Variants in DSCAM observed in about 807,000 individuals in gnomAD.
DSCAM encodes the protein DS cell adhesion molecule, also known as cell adhesion molecule DSCAM.
DSCAM carries 47 observed loss-of-function variants against 217.7 expected under a neutral mutation model. The observed-to-expected ratio is 0.22, with a 90% confidence interval of 0.17 to 0.28. DSCAM has a LOEUF of 0.28. DSCAM is among the 10% of genes least tolerant of loss of function. The pLI, the probability that DSCAM is intolerant of heterozygous loss-of-function variation, is 1.00. For missense variants in DSCAM, 2,080 were observed against 2,618.3 expected (o/e 0.79, Z 4.49); for synonymous variants, 1,056 against 1,015.3 (o/e 1.04, Z -0.76).
At position 40,380,987 on chromosome 21, in the gene DSCAM, C is replaced by T. The variant is rs944834977; in HGVS notation, c.509-11742G>A. Among the ~76,000 whole-genome samples the T allele has an allele frequency of 2.0e-3, 275 of 135,434 alleles. 2 individuals are homozygous for T. The highest frequency in any genetic ancestry group is 6.7e-3 in the African/African-American group (249 of 37,118). The allele number at this position is 135,434 out of a possible 152,430, so 88.8% of individuals were successfully genotyped here. On this transcript the variant is annotated intron_variant, in intron 3 of 32. Coordinates refer to ENST00000400454, the MANE Select transcript of DSCAM (RefSeq NM_001389.5). ...CTGAGGCAGGAGAATGGCGGGAACC[C>T]GGGAGGCGGAGCCTGCAGTGAGCCG...
chr21:40,656,375 A>G (rs1443412679), intron 3 of DSCAM, among the ~76,000 whole-genome samples: 2 of 152,208 alleles, frequency 1.3e-5, no homozygotes, highest in East Asian at 1.9e-4. Context: ...CAAACCACAC[A>G]GCCAAGCCCT....
intron 3 of DSCAM, among the ~76,000 whole-genome samples, chr21:40,475,735 G>A (rs1382599949): frequency 1.3e-5 from 2 of 152,146 alleles, no homozygotes; most frequent in Non-Finnish European, 2.9e-5. Context: ...GGAGGCTGAG[G>A]CAGGAGAATC....
At chr21:40,622,864 C>T (rs1017168381) in intron 3 of DSCAM, among the ~76,000 whole-genome samples, 16 of 106,574 alleles carry the variant, frequency 1.5e-4, no homozygotes, top group African/African-American at 5.5e-4. Context: ...TTTGTATGTA[C>T]ATGATACAAA....
chr21:40,545,934 T>C (rs2076578985), intron 3 of DSCAM, among the ~76,000 whole-genome samples: 1 of 152,204 alleles, frequency 6.6e-6, no homozygotes, highest in African/African-American at 2.4e-5. Flanking sequence ...TCTCTACCAG[T>C]GGGAAACCTT....
At chr21:40,155,223 G>A (rs1250468901) in intron 16 of DSCAM, among the ~76,000 whole-genome samples, 3 of 152,214 alleles carry the variant, frequency 2.0e-5, no homozygotes, top group Admixed American at 1.3e-4. Flanking sequence ...GACCACACAA[G>A]GGCATTCGGG....
chr21:40,084,028 G>A (rs371587226), intron 23 of DSCAM, 22 bp from the exon 24 acceptor site: 13 of 1,584,878 alleles, frequency 8.2e-6, no homozygotes, highest in Middle Eastern at 1.7e-4. Flanking sequence ...ACAGTTTTTA[G>A]AAAACAAGAA....
chr21:40,439,597 G>T (rs1393910447), intron 3 of DSCAM, among the ~76,000 whole-genome samples: 1 of 152,176 alleles, frequency 6.6e-6, no homozygotes, highest in Non-Finnish European at 1.5e-5. Context: ...AAAGCCCAAT[G>T]CTTCCTTCTG....
chr21:40,103,096 T>C (rs761469991), intron 20 of DSCAM, among the ~76,000 whole-genome samples: 2 of 152,214 alleles, frequency 1.3e-5, no homozygotes, highest in African/African-American at 2.4e-5. Flanking sequence ...TTGAGTACGA[T>C]AGGAAATAAT....
chr21:40,618,757 A>G (rs954820319), intron 3 of DSCAM: 3 of 151,912 alleles, frequency 2.0e-5, no homozygotes, highest in Non-Finnish European at 4.4e-5. Flanking sequence ...GACTGGGAGA[A>G]TGGAGAGGTG....
At chr21:40,171,558 G>A (rs1243563064) in intron 15 of DSCAM, among the ~76,000 whole-genome samples, 2 of 149,734 alleles carry the variant, frequency 1.3e-5, no homozygotes, top group African/African-American at 4.9e-5. Flanking sequence ...AAAGCATTTG[G>A]ATCCCTCCTC....
intron 16 of DSCAM, among the ~76,000 whole-genome samples, chr21:40,152,015 A>G (rs2090427768): frequency 6.6e-6 from 1 of 152,116 alleles, no homozygotes; most frequent in Admixed American, 6.5e-5. Context: ...GGTGGGTTAC[A>G]TGTTTTTATG....
At chr21:40,522,326 CAAGGGATAATA>C (rs2076365652) in intron 3 of DSCAM, among the ~76,000 whole-genome samples, 1 of 152,202 alleles carries the variant, frequency 6.6e-6, no homozygotes, top group East Asian at 1.9e-4. Flanking sequence ...AAATCCACAA[CAAGGGATAATA>C]GCAAAGCAAT....
intron 3 of DSCAM, among the ~76,000 whole-genome samples, chr21:40,593,220 T>C (rs457714): frequency 0.67 from 101,496 of 152,096 alleles, 34,080 homozygotes; most frequent in African/African-American, 0.72. Flanking sequence ...TTCTTGAAAT[T>C]GTTGGTCCTT....
chr21:40,430,649 G>C (rs529172358), intron 3 of DSCAM, among the ~76,000 whole-genome samples: 1 of 152,252 alleles, frequency 6.6e-6, no homozygotes, highest in African/African-American at 2.4e-5. Flanking sequence ...TATCCTATTA[G>C]TTCTGTCCTC....
intron 10 of DSCAM, among the ~76,000 whole-genome samples, chr21:40,280,783 T>G (rs2123397264): frequency 6.6e-6 from 1 of 152,328 alleles, no homozygotes; most frequent in East Asian, 1.9e-4. Context: ...TGAGGAGCTA[T>G]GGCTAAAAAG....
At chr21:40,725,919 C>T (rs939032093) in intron 1 of DSCAM, among the ~76,000 whole-genome samples, 7 of 152,068 alleles carry the variant, frequency 4.6e-5, no homozygotes, top group East Asian at 1.9e-4. Flanking sequence ...CTCTCATGTA[C>T]CCTTCTTCAA....
intron 3 of DSCAM, among the ~76,000 whole-genome samples, chr21:40,589,093 A>C (rs1376644169): frequency 7.9e-5 from 12 of 152,146 alleles, no homozygotes; most frequent in African/African-American, 2.9e-4. Context: ...AGACCATGAA[A>C]ATAACTATTA....
At chr21:40,801,689 A>T (rs62225166) in intron 1 of DSCAM, among the ~76,000 whole-genome samples, 9,567 of 152,282 alleles carry the variant, frequency 0.063, 394 homozygotes, top group Non-Finnish European at 0.08. Context: ...GACCCTAGGT[A>T]TGGCTTGTGG....
intron 3 of DSCAM, among the ~76,000 whole-genome samples, chr21:40,513,713 C>T (rs1333962138): frequency 6.6e-6 from 1 of 152,158 alleles, no homozygotes; most frequent in Non-Finnish European, 1.5e-5. Context: ...CTATGCCCCA[C>T]CTTCAACATT....
Sources: allele counts gnomAD v4.1 joint callset (sites outside exome capture counted in the v4.1 genomes callset), GRCh38; gene constraint gnomAD v4.1.1; transcripts MANE v1.5; gene names NCBI Gene and HGNC (gene_info 2026-07-23, HGNC 2026-07-21).